RPS6KA3: variants seen among roughly 807,000 people sequenced by gnomAD.
RPS6KA3 encodes ribosomal protein S6 kinase alpha-3.
RPS6KA3 carries 4 observed loss-of-function variants against 67.2 expected under a neutral mutation model. The ratio of observed to expected loss-of-function variants is 0.06; its 90% CI spans 0.03 to 0.14. RPS6KA3 has a LOEUF of 0.14. Among genes scored for constraint, RPS6KA3 ranks in the 10% least tolerant of loss-of-function variants. The probability of loss-of-function intolerance (pLI) is 1.00; values close to 1 mark genes in which losing one functional copy is unlikely to be tolerated. For synonymous variants in RPS6KA3, 182 were observed against 183.7 expected (o/e 0.99, Z 0.07); for missense variants, 204 against 559.0 (o/e 0.36, Z 6.40).
chrX:20,194,017 C>T (rs902202504), intron 6 of RPS6KA3, among the ~76,000 whole-genome samples, 172 bp downstream of exon 6: 1 of 112,278 alleles, frequency 8.9e-6, no homozygotes, highest in African/African-American at 3.2e-5. Flanking sequence ...AATTTAAAGT[C>T]CTGCTTTCAG....
intron 2 of RPS6KA3, among the ~76,000 whole-genome samples, chrX:20,220,209 TA>T (rs199650986): frequency 5.6e-5 from 6 of 106,221 alleles, no homozygotes; most frequent in East Asian, 5.8e-4. Context: ...GAAGAGTAAC[TA>T]AAAAAAAAAC....
Position 20,155,301 on chromosome X carries a change from T to C in RPS6KA3, c.*97A>G, listed in dbSNP as rs1215292100. On this transcript the variant is annotated 3_prime_UTR_variant, in exon 22 of 22. Coordinates refer to ENST00000379565, the MANE Select transcript of RPS6KA3 (RefSeq NM_004586.3). ...GCATTATGGGTACCAGCTGGGACAGTGTGTGCTTGCAGGTGTCTCTCAGAT... is the reference window on the plus strand; with the variant it reads ...GCATTATGGGTACCAGCTGGGACAGCGTGTGCTTGCAGGTGTCTCTCAGAT... 6.3e-6 allele frequency: 6 copies of C among 953,718 alleles called. No individual in the cohort carries two copies. Among genetic ancestry groups the C allele is most frequent in the African/African-American group, 1.9e-5 (1 of 51,965 alleles). 78.6% of individuals were successfully genotyped at this position (953,718 alleles called of 1,213,427 possible). A position where few individuals can be genotyped will look rare whatever the true frequency, so the allele number is the denominator to read the frequency against.
chrX:20,230,758 A>G (rs887407354), intron 2 of RPS6KA3, among the ~76,000 whole-genome samples: 1 of 111,555 alleles, frequency 9.0e-6, no homozygotes, highest in East Asian at 2.8e-4. Context: ...GTTCATGACA[A>G]TTTGTTTGAT....
Position 20,151,525 on chromosome X carries a change from T to C in RPS6KA3, c.*3873A>G, listed in dbSNP as rs946410171. The stretch of plus-strand genomic sequence containing the variant: ...AGAGGGACACAACTCTAGGACTAGA[T>C]TGAAACCTCCTGGTTTAAGCACCAA... On this transcript the variant is annotated 3_prime_UTR_variant, in exon 22 of 22. Coordinates refer to ENST00000379565, the MANE Select transcript of RPS6KA3 (RefSeq NM_004586.3). 1.8e-5 allele frequency: 2 copies of C among 112,426 alleles called. No individual in the cohort carries two copies. The highest frequency in any genetic ancestry group is 6.5e-5 in the African/African-American group (2 of 30,825). 9.3% of individuals were successfully genotyped at this position (112,426 alleles called of 1,213,427 possible).
intron 2 of RPS6KA3, among the ~76,000 whole-genome samples, chrX:20,226,172 A>AAAAT (rs746189196): frequency 2.2e-4 from 24 of 111,595 alleles, no homozygotes; most frequent in Middle Eastern, 4.6e-3. Flanking sequence ...CCCTGTTTCC[A>AAAAT]AAATAAATAA....
chrX:20,197,736 G>C (rs1223477373), intron 4 of RPS6KA3, among the ~76,000 whole-genome samples: 3 of 111,648 alleles, frequency 2.7e-5, no homozygotes. Context: ...TAAAGACCTA[G>C]TGACAATTCT....
At chrX:20,210,718 C>T (rs1345692338) in intron 2 of RPS6KA3, among the ~76,000 whole-genome samples, 1 of 111,639 alleles carries the variant, frequency 9.0e-6, no homozygotes, top group Non-Finnish European at 1.9e-5. Flanking sequence ...CCTGGGACTT[C>T]GGAAACAATA....
intron 2 of RPS6KA3, among the ~76,000 whole-genome samples, chrX:20,222,225 C>A (rs2069003209): frequency 8.9e-6 from 1 of 111,783 alleles, no homozygotes; most frequent in Non-Finnish European, 1.9e-5. Flanking sequence ...GAATTCAAGA[C>A]ACAAAGGAAA....
At chrX:20,162,293 G>A (rs1356673240) in intron 19 of RPS6KA3, among the ~76,000 whole-genome samples, 1 of 103,271 alleles carries the variant, frequency 9.7e-6, no homozygotes, top group East Asian at 3.0e-4. Flanking sequence ...CCGAGATCGT[G>A]CTACTGCACT....
intron 15 of RPS6KA3, among the ~76,000 whole-genome samples, chrX:20,169,999 A>C (rs1025419624): frequency 2.7e-5 from 3 of 112,317 alleles, no homozygotes; most frequent in Non-Finnish European, 5.6e-5. Flanking sequence ...TACTTATAAA[A>C]GCTAATTATC....
In RPS6KA3 at chrX:20,151,631, C is replaced by G. The variant is rs2067104179; in HGVS notation, c.*3767G>C. The G allele has an allele frequency of 8.9e-6, 1 of 112,064 alleles. No individual in the cohort carries two copies. The highest frequency in any genetic ancestry group is 1.9e-5 in the Non-Finnish European group (1 of 53,200). 9.2% of individuals were successfully genotyped at this position (112,064 alleles called of 1,213,427 possible). On this transcript the variant is annotated 3_prime_UTR_variant, in exon 22 of 22. Coordinates refer to ENST00000379565, the MANE Select transcript of RPS6KA3 (RefSeq NM_004586.3). ...ACCTTTACATTCCTGAGCTATCTAT[C>G]CTAATGCCTTCATAAGTCTCAATGC...
intron 5 of RPS6KA3, among the ~76,000 whole-genome samples, 156 bp from the exon 6 acceptor site, chrX:20,194,424 T>C (rs894587091): frequency 2.7e-5 from 3 of 111,943 alleles, no homozygotes; most frequent in African/African-American, 6.5e-5. Context: ...TTAGTTTCCA[T>C]GTGGAAATGT....
Position 20,183,875 on chromosome X carries a change from A to G in RPS6KA3, c.845+2421T>C, listed in dbSNP as rs1032217201. ...GCTACATATGGCTACTGAGCACCTG[A>G]AATGTGCCAATCCACATTGTAAGTG... On this transcript the variant is annotated intron_variant, in intron 10 of 21. Coordinates refer to ENST00000379565, the MANE Select transcript of RPS6KA3 (RefSeq NM_004586.3). 2.7e-5 allele frequency among the ~76,000 whole-genome samples: 3 copies of G among 112,111 alleles called. No homozygotes were observed. The Admixed American group carries it at 2.8e-4, about 11-fold the overall frequency.
chrX:20,237,346 G>GT (rs2069438446), intron 1 of RPS6KA3, among the ~76,000 whole-genome samples: 1 of 111,534 alleles, frequency 9.0e-6, no homozygotes, highest in Non-Finnish European at 1.9e-5. Flanking sequence ...AGAACCCTCA[G>GT]TCTAACTTGA....
intron 7 of RPS6KA3, among the ~76,000 whole-genome samples, chrX:20,192,454 T>C (rs1308245691): frequency 9.3e-6 from 1 of 107,655 alleles, no homozygotes; most frequent in East Asian, 2.9e-4. Context: ...TATCTGATCA[T>C]AGAACTGGGG....
At chrX:20,206,509 C>T (rs1459509319) in intron 3 of RPS6KA3, among the ~76,000 whole-genome samples, 2 of 111,799 alleles carry the variant, frequency 1.8e-5, no homozygotes, top group African/African-American at 6.5e-5. Context: ...AACTATTACA[C>T]ACTCATTAAT....
chrX:20,188,835 C>G (rs1304586670), intron 7 of RPS6KA3, among the ~76,000 whole-genome samples: 1 of 112,912 alleles, frequency 8.9e-6, no homozygotes, highest in African/African-American at 3.2e-5. Context: ...TTTCTGCAGA[C>G]GTAGTTTGAC....
In RPS6KA3 at chrX:20,266,758, C is replaced by T. The variant is rs2070405027; in HGVS notation, c.-126G>A. The T allele has an allele frequency of 8.8e-6, 3 of 342,758 alleles. No individual in the cohort carries two copies. Among genetic ancestry groups the T allele is most frequent in the Non-Finnish European group, 1.1e-5 (3 of 266,650 alleles). 28.2% of individuals were successfully genotyped at this position (342,758 alleles called of 1,213,427 possible). On this transcript the variant is annotated 5_prime_UTR_variant, in exon 1 of 22. Transcript: ENST00000379565. Reference sequence around the variant, plus strand: ...GCGGCGGCGGCGGCGGCAGCGGCAGCGGCAGCGGCAGCAGCAGCAGCAGCG... The same window carrying T: ...GCGGCGGCGGCGGCGGCAGCGGCAGTGGCAGCGGCAGCAGCAGCAGCAGCG...
chrX:20,195,175 T>A, intron 4 of RPS6KA3, 30 bp from the exon 5 acceptor site: 1 of 944,960 alleles, frequency 1.1e-6, no homozygotes, highest in Non-Finnish European at 1.5e-6. Context: ...TGCTACATTG[T>A]AATATCTTTC....
Sources: allele counts gnomAD v4.1 joint callset (sites outside exome capture counted in the v4.1 genomes callset), GRCh38; gene constraint gnomAD v4.1.1; transcripts MANE v1.5; gene names NCBI Gene and HGNC (gene_info 2026-07-23, HGNC 2026-07-21).